KCNQ1: variants seen among roughly 807,000 people sequenced by gnomAD.
The protein encoded by KCNQ1 is potassium voltage-gated channel subfamily KQT member 1.
A neutral mutation model predicts 72.4 loss-of-function variants in KCNQ1; 49 were observed. The observed-to-expected ratio is 0.68, with a 90% confidence interval of 0.54 to 0.86. KCNQ1 has a LOEUF of 0.86. Ranked by LOEUF, KCNQ1 falls within the 40% of genes least tolerant of loss-of-function variation. The pLI is 0.00. For missense variants in KCNQ1, 790 were observed against 945.1 expected (o/e 0.84, Z 2.15); for synonymous variants, 450 against 412.6 (o/e 1.09, Z -1.10).
At chr11:2,656,176 TC>T (rs1169685811) in intron 10 of KCNQ1, 1 of 398,524 alleles carries the variant, frequency 2.5e-6, no homozygotes, top group Non-Finnish European at 4.4e-6. Context: ...ATATGTTTTT[TC>T]TTTCTTCCTT....
chr11:2,797,174 G>C lies in KCNQ1; in HGVS notation c.1794+19137G>C, dbSNP rs79192249. Among the ~76,000 whole-genome samples, 715 of 152,216 alleles carry C rather than the reference G, an allele frequency of 4.7e-3. 4 individuals are homozygous for C. The highest frequency in any genetic ancestry group is 0.024 in the Middle Eastern group (7 of 294). On this transcript the variant is annotated intron_variant, in intron 15 of 15. Transcript: ENST00000155840. ...CCGGGCAGACCTGGGGGGGTGGCGG[G>C]GGGGAGGCCCTGTGAAGAGGAGGAC...
chr11:2,625,551 G>C, intron 10 of KCNQ1: 1 of 396,658 alleles, frequency 2.5e-6, no homozygotes, highest in Non-Finnish European at 4.4e-6. Flanking sequence ...ATCTTCTTTG[G>C]AGATACGTCT....
chr11:2,788,277 C>T (rs1846950768), intron 15 of KCNQ1, among the ~76,000 whole-genome samples: 1 of 152,170 alleles, frequency 6.6e-6, no homozygotes, highest in Non-Finnish European at 1.5e-5. Flanking sequence ...TCCCCGAGGT[C>T]CCTAAGGAAT....
chr11:2,627,118 T>C lies in KCNQ1; in HGVS notation c.1394-34843T>C. 1 of 398,606 alleles carries C rather than the reference T, an allele frequency of 2.5e-6. No individual in the cohort carries two copies. The highest frequency in any genetic ancestry group is 1.3e-4 in the South Asian group (1 of 7,848). The allele number at this position is 398,606 out of a possible 1,614,324, so 24.7% of individuals were successfully genotyped here. ...TTCAGCATTGTTTTGTAATTTTCAT[T>C]GTACAAGACTTTCACCTCCTTGGTA... On this transcript the variant is annotated intron_variant, in intron 10 of 15. Transcript: ENST00000155840. This position sits in a 1 kb window ranked among gnomAD's most constrained non-coding sequence, Gnocchi z 4.9.
rs1284795519 is a variant in KCNQ1 at position 2,805,655 on chromosome 11, G to A, written c.1794+27618G>A. 3.3e-5 allele frequency among the ~76,000 whole-genome samples: 5 copies of A among 152,218 alleles called. No individual in the cohort carries two copies. In the South Asian group the frequency reaches 6.2e-4, roughly 19 times the overall value. ...ATCGTGTGACCAACGAAGCCAGAAC[G>A]ATTTACTCTCTGGCCCTTTAGAGAA... On this transcript the variant is annotated intron_variant, in intron 15 of 15. Coordinates refer to ENST00000155840, the MANE Select transcript of KCNQ1 (RefSeq NM_000218.3).
chr11:2,811,908 C>T (rs756682016), intron 15 of KCNQ1, among the ~76,000 whole-genome samples: 1 of 152,186 alleles, frequency 6.6e-6, no homozygotes, highest in African/African-American at 2.4e-5. Context: ...GAGTGCCCGC[C>T]GCAGGATGAC....
chr11:2,756,764 T>C (rs1361426076), intron 11 of KCNQ1, among the ~76,000 whole-genome samples: 1 of 152,094 alleles, frequency 6.6e-6, no homozygotes, highest in Non-Finnish European at 1.5e-5. Context: ...CTAGCGTTTA[T>C]TTTGAATAAC....
intron 11 of KCNQ1, among the ~76,000 whole-genome samples, chr11:2,760,978 C>T (rs542967618): frequency 3.3e-5 from 5 of 152,330 alleles, no homozygotes; most frequent in Admixed American, 2.0e-4. Flanking sequence ...AGACAGCTTG[C>T]GTTAGTCAGC....
intron 11 of KCNQ1, among the ~76,000 whole-genome samples, chr11:2,761,528 C>A (rs537775877): frequency 2.6e-5 from 4 of 152,272 alleles, no homozygotes; most frequent in Non-Finnish European, 4.4e-5. Flanking sequence ...GCACATAGGC[C>A]GTAGGGTGGA....
Position 2,745,992 on chromosome 11 carries a change from C to A in KCNQ1, c.1515-22852C>A, listed in dbSNP as rs780315699. Among the ~76,000 whole-genome samples the A allele has an allele frequency of 6.6e-6, 1 of 152,190 alleles. No homozygotes were observed. The highest frequency in any genetic ancestry group is 2.1e-4 in the South Asian group (1 of 4,834). On this transcript the variant is annotated intron_variant, in intron 11 of 15. Transcript: ENST00000155840. The surrounding 1 kb of genome is among the most constrained non-coding windows in gnomAD (Gnocchi z 6.2). ...GCAAACTCCACCTCCCGGGTTCAAG[C>A]GATTGTCTCACCTCAGCCTCCTGAG...
In KCNQ1 at chr11:2,514,476, T is replaced by C. The variant is rs117892226; in HGVS notation, c.387-13452T>C. Reference sequence around the variant, plus strand: ...CCATTTCCAGGGACACCCAGTGTTCTCTGTAGTGGGTAGGAGGTTTCCCTA... The same window carrying C: ...CCATTTCCAGGGACACCCAGTGTTCCCTGTAGTGGGTAGGAGGTTTCCCTA... On this transcript the variant is annotated intron_variant, in intron 1 of 15. Coordinates refer to ENST00000155840, the MANE Select transcript of KCNQ1 (RefSeq NM_000218.3). Among the ~76,000 whole-genome samples the C allele has an allele frequency of 4.2e-3, 639 of 152,342 alleles. 3 individuals are homozygous for C. The highest frequency in any genetic ancestry group is 6.8e-3 in the Non-Finnish European group (465 of 68,022).
intron 12 of KCNQ1, 37 bp from the exon 13 acceptor site, chr11:2,775,923 A>C: frequency 4.5e-6 from 7 of 1,544,742 alleles, no homozygotes; most frequent in Non-Finnish European, 6.1e-6. Context: ...GCTGGGGCAC[A>C]GGGAGGAGAA....
chr11:2,667,214 A>G (rs1850092325), intron 11 of KCNQ1: 1 of 398,658 alleles, frequency 2.5e-6, no homozygotes, highest in Non-Finnish European at 4.4e-6. Context: ...TGGCCCCCTA[A>G]CCTTTCCAAA....
chr11:2,716,082 G>A (rs973928803), intron 11 of KCNQ1, among the ~76,000 whole-genome samples: 11 of 152,200 alleles, frequency 7.2e-5, no homozygotes, highest in African/African-American at 2.2e-4. Flanking sequence ...TGACCCCACC[G>A]CCGGGGTCGG....
chr11:2,518,050 C>G (rs1847317404), intron 1 of KCNQ1, among the ~76,000 whole-genome samples: 1 of 152,274 alleles, frequency 6.6e-6, no homozygotes, highest in Admixed American at 6.5e-5. Flanking sequence ...ATTCACCGAG[C>G]TTGAGGGTTT....
Position 2,572,001 on chromosome 11 carries a change from T to A in KCNQ1, c.684-12T>A, listed in dbSNP as rs368353076. 1 of 1,609,860 alleles carries A rather than the reference T, an allele frequency of 6.2e-7. No individual in the cohort carries two copies. On this transcript the variant is annotated splice_polypyrimidine_tract_variant and intron_variant, in intron 4 of 15. Transcript: ENST00000155840. ...GCCTGGCTCCCTCAGCCCCACACCA[T>A]CTCCTTCGCAGGGGCATCCGCTTCC... is the stretch of plus-strand genomic sequence containing the variant.
chr11:2,739,287 A>C lies in KCNQ1; in HGVS notation c.1515-29557A>C, dbSNP rs368180676. On this transcript the variant is annotated intron_variant, in intron 11 of 15. Transcript: ENST00000155840. The stretch of plus-strand genomic sequence containing the variant: ...CTGTGTGAGGTACTGAGAGCCCATC[A>C]CACAGATGGACCAACCAAAGCCACA... Among the ~76,000 whole-genome samples the C allele has an allele frequency of 1.1e-3, 173 of 152,264 alleles. 2 individuals are homozygous for C. Among genetic ancestry groups the C allele is most frequent in the African/African-American group, 4.0e-3 (165 of 41,558 alleles).
In KCNQ1 at chr11:2,570,761, C is replaced by A; in HGVS notation, c.604+7C>A. 6.2e-7 allele frequency: 1 copy of A among 1,609,988 alleles called. No individual in the cohort carries two copies. The highest frequency in any genetic ancestry group is 1.1e-5 in the South Asian group (1 of 91,076). On this transcript the variant is annotated splice_region_variant and intron_variant, in intron 3 of 15. Transcript: ENST00000155840. The stretch of plus-strand genomic sequence containing the variant: ...AAGCCCATTTCCATCATCGGTGAGT[C>A]ATGCCTGCCCTGTGGAGGTCACGCC...
In KCNQ1 at chr11:2,541,770, C is replaced by T. The variant is rs567462125; in HGVS notation, c.477+13752C>T. On this transcript the variant is annotated intron_variant, in intron 2 of 15. Transcript: ENST00000155840. The surrounding 1 kb of genome is among the most constrained non-coding windows in gnomAD (Gnocchi z 4.8). Reference sequence around the variant, plus strand: ...TAGGAGTTCTAGAACCTTTGGAAAACCCCCTCTCATCCCGGGAGTTTGTAA... The same window carrying T: ...TAGGAGTTCTAGAACCTTTGGAAAATCCCCTCTCATCCCGGGAGTTTGTAA... Among the ~76,000 whole-genome samples the T allele has an allele frequency of 2.0e-5, 3 of 151,320 alleles. No individual in the cohort carries two copies. In the East Asian group the frequency reaches 5.9e-4, roughly 30 times the overall value.
Sources: allele counts gnomAD v4.1 joint callset (sites outside exome capture counted in the v4.1 genomes callset), GRCh38; gene constraint gnomAD v4.1.1; non-coding constraint Gnocchi (gnomAD v3.1); transcripts MANE v1.5; gene names NCBI Gene and HGNC (gene_info 2026-07-23, HGNC 2026-07-21).